The following IL1RAPL2 variants were observed in gnomAD, a reference collection of about 807,000 sequenced individuals.
The protein encoded by IL1RAPL2 is X-linked interleukin-1 receptor accessory protein-like 2.
A neutral mutation model predicts 44.1 loss-of-function variants in IL1RAPL2; 3 were observed. The ratio of observed to expected loss-of-function variants is 0.07; its 90% CI spans 0.03 to 0.18. IL1RAPL2 has a LOEUF of 0.18. IL1RAPL2 is among the 10% of genes least tolerant of loss of function. The probability of loss-of-function intolerance (pLI) is 1.00; values close to 1 mark genes in which losing one functional copy is unlikely to be tolerated. For missense variants in IL1RAPL2, 391 were observed against 496.4 expected, an observed-to-expected ratio of 0.79 and a Z score of 2.02; for synonymous variants, 181 against 178.8, an observed-to-expected ratio of 1.01 and a Z score of -0.10.
intron 3 of IL1RAPL2, among the ~76,000 whole-genome samples, chrX:105,224,464 AG>A (rs2033996478): frequency 9.0e-6 from 1 of 111,635 alleles, no homozygotes; most frequent in Non-Finnish European, 1.9e-5. Context: ...AATACTGACT[AG>A]TCTTTCAAGA....
chrX:105,434,434 C>A (rs2035867567), intron 5 of IL1RAPL2, among the ~76,000 whole-genome samples: 1 of 111,948 alleles, frequency 8.9e-6, no homozygotes, highest in Non-Finnish European at 1.9e-5. Context: ...TCATAATTGC[C>A]AAAAACTGGG....
rs115100727 is a variant in IL1RAPL2, at chrX:105,545,507, C to T, written c.772+61120C>T. Among the ~76,000 whole-genome samples the T allele has an allele frequency of 5.2e-3, 580 of 112,008 alleles. 5 individuals are homozygous for T. Among genetic ancestry groups the T allele is most frequent in the African/African-American group, 0.018 (556 of 30,874 alleles). ...TCACTTTGATTTTTTGTGGGAGAGG[C>T]AGGGGTTTTAAAAGGAAAACTTTTT... On this transcript the variant is annotated intron_variant, in intron 6 of 10. Transcript: ENST00000372582.
chrX:105,073,314 G>T (rs1202900250), intron 2 of IL1RAPL2, among the ~76,000 whole-genome samples: 1 of 95,936 alleles, frequency 1.0e-5, no homozygotes, highest in African/African-American at 3.9e-5. Flanking sequence ...TTGTCCTTGC[G>T]ATAGTTTGCT....
intron 6 of IL1RAPL2, among the ~76,000 whole-genome samples, chrX:105,683,568 G>A (rs1383111896): frequency 9.1e-6 from 1 of 110,107 alleles, no homozygotes; most frequent in Non-Finnish European, 1.9e-5. Context: ...AGCTCTATGT[G>A]GTCCTCAATA....
At chrX:104,701,890 A>G in intron 2 of IL1RAPL2, among the ~76,000 whole-genome samples, 1 of 112,247 alleles carries the variant, frequency 8.9e-6, no homozygotes, top group East Asian at 2.8e-4. Flanking sequence ...ACATTAATAT[A>G]CAACTAATGT....
chrX:105,410,358 A>G (rs2035686262), intron 5 of IL1RAPL2, among the ~76,000 whole-genome samples: 1 of 109,989 alleles, frequency 9.1e-6, no homozygotes, highest in Non-Finnish European at 1.9e-5. Flanking sequence ...GGAGGAGGCA[A>G]CACCAAGAGA....
At chrX:105,056,452 A>G (rs2031995288) in intron 2 of IL1RAPL2, among the ~76,000 whole-genome samples, 1 of 112,092 alleles carries the variant, frequency 8.9e-6, no homozygotes, top group South Asian at 3.7e-4. Context: ...CTGGTTTAAA[A>G]AAATAAGCAT....
At chrX:104,821,541 C>T (rs1177673140) in intron 2 of IL1RAPL2, among the ~76,000 whole-genome samples, 2 of 111,526 alleles carry the variant, frequency 1.8e-5, no homozygotes, top group Non-Finnish European at 3.8e-5. Flanking sequence ...TGATAGTTTC[C>T]AGCTTCATCC....
chrX:104,720,550 A>G (rs915202522), intron 2 of IL1RAPL2, among the ~76,000 whole-genome samples: 5 of 111,563 alleles, frequency 4.5e-5, no homozygotes, highest in African/African-American at 1.3e-4. Flanking sequence ...ACCTCCAGCA[A>G]TTGCTACTAG....
At chrX:104,791,324 G>A (rs1468510122) in intron 2 of IL1RAPL2, among the ~76,000 whole-genome samples, 1 of 107,056 alleles carries the variant, frequency 9.3e-6, no homozygotes, top group Non-Finnish European at 1.9e-5. Context: ...GAGAGCCAGA[G>A]GAGTCCCAAG....
intron 5 of IL1RAPL2, among the ~76,000 whole-genome samples, chrX:105,286,793 A>AT (rs2034575746): frequency 9.0e-6 from 1 of 111,683 alleles, no homozygotes; most frequent in Non-Finnish European, 1.9e-5. Context: ...AATCATATCT[A>AT]TTTTGCCCTT....
At chrX:105,449,863 G>T (rs913686097) in intron 5 of IL1RAPL2, among the ~76,000 whole-genome samples, 1 of 112,185 alleles carries the variant, frequency 8.9e-6, no homozygotes, top group Middle Eastern at 4.2e-3. Context: ...GAGCTCCCTA[G>T]AATTGAGAGT....
chrX:105,754,270 C>CT (rs1238224028), intron 9 of IL1RAPL2, among the ~76,000 whole-genome samples: 2 of 111,884 alleles, frequency 1.8e-5, no homozygotes, highest in Non-Finnish European at 3.8e-5. Flanking sequence ...CTCACTATAA[C>CT]TTTTTCAGTA....
At chrX:104,572,194 C>CA (rs1321064857) in intron 1 of IL1RAPL2, among the ~76,000 whole-genome samples, 4 of 111,835 alleles carry the variant, frequency 3.6e-5, no homozygotes, top group Non-Finnish European at 5.6e-5. Context: ...ATTGGTATCA[C>CA]AAAGCTATTA....
intron 5 of IL1RAPL2, among the ~76,000 whole-genome samples, chrX:105,312,097 A>T (rs1343104404): frequency 2.7e-5 from 3 of 111,727 alleles, no homozygotes; most frequent in Non-Finnish European, 5.7e-5. Flanking sequence ...GACTACCTGA[A>T]TCTTAGTTAT....
chrX:104,591,006 A>G (rs1020254243), intron 1 of IL1RAPL2, among the ~76,000 whole-genome samples: 10 of 111,669 alleles, frequency 9.0e-5, no homozygotes, highest in African/African-American at 3.3e-4. Flanking sequence ...GATTTCTTAG[A>G]ATACAGGACT....
chrX:105,456,624 T>C (rs767218718), intron 5 of IL1RAPL2, among the ~76,000 whole-genome samples: 1 of 111,777 alleles, frequency 8.9e-6, no homozygotes, highest in Admixed American at 9.5e-5. Flanking sequence ...CTTTTCTTTC[T>C]ACTTTCTTGA....
At chrX:104,668,788 T>C (rs769728526) in intron 2 of IL1RAPL2, among the ~76,000 whole-genome samples, 19 of 109,459 alleles carry the variant, frequency 1.7e-4, no homozygotes, top group Admixed American at 7.9e-4. Flanking sequence ...TTTTACCATC[T>C]CATGGCTGTC....
chrX:104,802,200 C>A (rs1056698537), intron 2 of IL1RAPL2, among the ~76,000 whole-genome samples: 12 of 109,934 alleles, frequency 1.1e-4, no homozygotes, highest in African/African-American at 4.0e-4. Flanking sequence ...CAAAATTTAG[C>A]CGGGCATGGT....
Sources: gnomAD v4.1 joint callset for allele counts (sites outside exome capture counted in the v4.1 genomes callset) on GRCh38, gnomAD v4.1.1 for gene constraint, MANE v1.5 for transcripts, NCBI Gene and HGNC (gene_info 2026-07-23, HGNC 2026-07-21) for gene names.